Variants in TMEM132C observed in about 807,000 individuals in gnomAD.
TMEM132C encodes the protein protein phosphatase 1, regulatory subunit 152.
A neutral mutation model predicts 61.4 loss-of-function variants in TMEM132C; 29 were observed. The ratio of observed to expected loss-of-function variants is 0.47; its 90% CI spans 0.35 to 0.64. The LOEUF (loss-of-function observed/expected upper bound fraction) is 0.64. TMEM132C is among the 30% of genes least tolerant of loss of function. TMEM132C has a pLI of 0.00. For missense variants in TMEM132C, 1,408 were observed against 1,476.9 expected, an observed-to-expected ratio of 0.95 and a Z score of 0.76; for synonymous variants, 656 against 633.1, an observed-to-expected ratio of 1.04 and a Z score of -0.54.
chr12:128,407,742 C>G (rs1424543019), intron 1 of TMEM132C, among the ~76,000 whole-genome samples: 2 of 152,310 alleles, frequency 1.3e-5, no homozygotes, highest in South Asian at 4.1e-4. Context: ...GTCACTTCTT[C>G]CATATTTTCT....
intron 4 of TMEM132C, among the ~76,000 whole-genome samples, chr12:128,640,286 CA>C (rs1172485060): frequency 5.3e-5 from 8 of 152,190 alleles, no homozygotes. Flanking sequence ...AAGAGTACTG[CA>C]GTCACTCAGC....
Position 128,695,932 on chromosome 12 carries a change from G to T in TMEM132C, c.1758G>T (p.Val586=). The change falls in exon 7 of 9, where the codon GTG becomes GTT. Residue 586 remains valine (V), a synonymous_variant. Transcript: ENST00000435159. ...HATVRVLTQF[V]SEGAGPWGQP... is the part of the protein sequence containing the mutation. ...CCGTGCGGGTCCTCACCCAGTTTGTGTCTGAGGGCGCCGGTCCATGGGGCC... is the reference window on the plus strand; with the variant it reads ...CCGTGCGGGTCCTCACCCAGTTTGTTTCTGAGGGCGCCGGTCCATGGGGCC... 6.4e-7 allele frequency: 1 copy of T among 1,551,774 alleles called. No individual in the cohort carries two copies. The highest frequency in any genetic ancestry group is 8.7e-7 in the Non-Finnish European group (1 of 1,147,016).
chr12:128,490,941 A>T (rs986050744), intron 2 of TMEM132C, among the ~76,000 whole-genome samples: 8 of 152,182 alleles, frequency 5.3e-5, no homozygotes, highest in African/African-American at 1.9e-4. Context: ...CATTTAATTC[A>T]TGGCCGCAGG....
intron 2 of TMEM132C, among the ~76,000 whole-genome samples, chr12:128,458,949 C>T: frequency 6.6e-6 from 1 of 152,168 alleles, no homozygotes; most frequent in East Asian, 1.9e-4. Context: ...GTCCAGTGGC[C>T]AGGTGGCCCA....
intron 5 of TMEM132C, among the ~76,000 whole-genome samples, chr12:128,681,632 G>T (rs1014067848): frequency 7.3e-5 from 11 of 150,292 alleles, no homozygotes; most frequent in African/African-American, 2.4e-4. Flanking sequence ...TACCATGGCT[G>T]CAGACAGCTA....
intron 4 of TMEM132C, among the ~76,000 whole-genome samples, chr12:128,643,126 A>G (rs1021001745): frequency 1.3e-5 from 2 of 152,124 alleles, no homozygotes; most frequent in Admixed American, 6.5e-5. Flanking sequence ...AAGAGACAAG[A>G]TCCTCTTTTT....
At chr12:128,560,772 C>T (rs1481186498) in intron 3 of TMEM132C, among the ~76,000 whole-genome samples, 1 of 152,184 alleles carries the variant, frequency 6.6e-6, no homozygotes, top group Non-Finnish European at 1.5e-5. Flanking sequence ...ACATGTATTG[C>T]TGAGTGAAAG....
At chr12:128,671,753 C>T (rs1386880920) in intron 5 of TMEM132C, among the ~76,000 whole-genome samples, 3 of 152,204 alleles carry the variant, frequency 2.0e-5, no homozygotes, top group African/African-American at 4.8e-5. Flanking sequence ...TGGCAGTAAA[C>T]ATTCCAGCAA....
At chr12:128,581,616 A>G (rs12831299) in intron 3 of TMEM132C, among the ~76,000 whole-genome samples, 56,030 of 152,154 alleles carry the variant, frequency 0.37, 12,604 homozygotes, top group South Asian at 0.58. Context: ...AGGATATTAG[A>G]CACATTTGAG....
chr12:128,670,605 T>TC (rs1162252952), intron 5 of TMEM132C, among the ~76,000 whole-genome samples: 3 of 152,182 alleles, frequency 2.0e-5, no homozygotes, highest in African/African-American at 7.2e-5. Flanking sequence ...TAATAGGATT[T>TC]CTTTATTTTT....
chr12:128,460,802 A>G (rs946898478), intron 2 of TMEM132C, among the ~76,000 whole-genome samples: 1 of 152,144 alleles, frequency 6.6e-6, no homozygotes, highest in African/African-American at 2.4e-5. Context: ...CTCAATCATC[A>G]GTAGGTTTGG....
intron 1 of TMEM132C, among the ~76,000 whole-genome samples, chr12:128,308,053 T>A (rs1871842096): frequency 6.6e-6 from 1 of 152,218 alleles, no homozygotes; most frequent in African/African-American, 2.4e-5. Context: ...ATGTCTGTCC[T>A]TGGACTTTAT....
chr12:128,526,917 T>G (rs1411045404), intron 2 of TMEM132C, among the ~76,000 whole-genome samples: 13 of 152,088 alleles, frequency 8.5e-5, no homozygotes, highest in Admixed American at 8.5e-4. Context: ...GGGGAACAGA[T>G]CATGCAGGGC....
intron 5 of TMEM132C, among the ~76,000 whole-genome samples, chr12:128,677,274 A>G (rs1213664480): frequency 1.3e-5 from 2 of 152,202 alleles, no homozygotes; most frequent in Non-Finnish European, 2.9e-5. Context: ...ATGACAATCT[A>G]TTAAACACAG....
At chr12:128,535,141 C>T (rs190748058) in intron 2 of TMEM132C, among the ~76,000 whole-genome samples, 1 of 152,252 alleles carries the variant, frequency 6.6e-6, no homozygotes, top group Non-Finnish European at 1.5e-5. Flanking sequence ...GTCCTGGCCT[C>T]CTGGTGTTCA....
chr12:128,662,097 A>G (rs1387406002), intron 4 of TMEM132C, among the ~76,000 whole-genome samples: 1 of 152,214 alleles, frequency 6.6e-6, no homozygotes, highest in Non-Finnish European at 1.5e-5. Context: ...AAGAAAAAAA[A>G]TCTGAAAAGA....
intron 1 of TMEM132C, among the ~76,000 whole-genome samples, chr12:128,372,069 T>G (rs961227747): frequency 6.6e-6 from 1 of 152,180 alleles, no homozygotes; most frequent in African/African-American, 2.4e-5. Context: ...TTCAGTGCCA[T>G]CCTCAGTCCA....
chr12:128,465,045 C>T (rs1381037297), intron 2 of TMEM132C, among the ~76,000 whole-genome samples: 5 of 152,090 alleles, frequency 3.3e-5, no homozygotes, highest in African/African-American at 1.2e-4. Context: ...GGTGTGCTTT[C>T]TGCAATCACG....
At chr12:128,623,410 A>C (rs1953985927) in intron 4 of TMEM132C, among the ~76,000 whole-genome samples, 1 of 150,494 alleles carries the variant, frequency 6.6e-6, no homozygotes, top group East Asian at 1.9e-4. Flanking sequence ...CTTAAAGTAT[A>C]AAGTATAATT....
Sources: allele counts gnomAD v4.1 joint callset (sites outside exome capture counted in the v4.1 genomes callset), GRCh38; gene constraint gnomAD v4.1.1; transcripts MANE v1.5; gene names NCBI Gene and HGNC (gene_info 2026-07-23, HGNC 2026-07-21).